Variants in TPP2 observed in about 807,000 individuals in gnomAD.
The protein encoded by TPP2 is tripeptidyl peptidase 2.
TPP2 carries 34 observed loss-of-function variants against 155.9 expected under a neutral mutation model. That is an observed-to-expected ratio of 0.22 (90% CI 0.17 to 0.29). TPP2 has a LOEUF of 0.29. Ranked by LOEUF, TPP2 falls within the 10% of genes least tolerant of loss-of-function variation. The pLI, the probability that TPP2 is intolerant of heterozygous loss-of-function variation, is 1.00. For missense variants in TPP2, 1,028 were observed against 1,522.3 expected (o/e 0.68, Z 5.40); for synonymous variants, 510 against 529.4 (o/e 0.96, Z 0.50).
chr13:102,630,009 A>G, intron 9 of TPP2, 87 bp from the exon 10 acceptor site: 1 of 1,096,232 alleles, frequency 9.1e-7, no homozygotes, highest in Non-Finnish European at 1.4e-6. Flanking sequence ...GTGTTGAGAG[A>G]TTAGGCAGTT....
intron 5 of TPP2, 140 bp downstream of exon 5, chr13:102,618,986 C>A: frequency 1.9e-6 from 2 of 1,079,028 alleles, no homozygotes; most frequent in Non-Finnish European, 2.5e-6. Context: ...GCCAAATTGG[C>A]ATCTGGGTAG....
rs185932998 is a variant in TPP2, at chr13:102,664,008, C to T, written c.3240+264C>T. On this transcript the variant is annotated intron_variant, in intron 26 of 29. Coordinates refer to ENST00000376052, the MANE Select transcript of TPP2 (RefSeq NM_001330588.2). ...TTAACGATTGTTTTCATGACCTTAA[C>T]CTAAAGGGCAAGGGGCAGAACGTAG... Among the ~76,000 whole-genome samples, 363 of 152,256 alleles carry T rather than the reference C, an allele frequency of 2.4e-3. 3 individuals are homozygous for T. The highest frequency in any genetic ancestry group is 8.1e-3 in the African/African-American group (336 of 41,552).
At chr13:102,647,649 A>T (rs895211909) in intron 21 of TPP2, among the ~76,000 whole-genome samples, 2 of 152,098 alleles carry the variant, frequency 1.3e-5, no homozygotes, top group African/African-American at 4.8e-5. Context: ...TACCTATCTG[A>T]AGGTAGAATC....
At chr13:102,658,837 G>T (rs1427294736) in intron 25 of TPP2, among the ~76,000 whole-genome samples, 2 of 152,158 alleles carry the variant, frequency 1.3e-5, no homozygotes, top group Non-Finnish European at 2.9e-5. Flanking sequence ...AGTTGCAGCG[G>T]CTCAGTTCCA....
At chr13:102,661,406 AC>A (rs1329563196) in intron 25 of TPP2, among the ~76,000 whole-genome samples, 3 of 151,120 alleles carry the variant, frequency 2.0e-5, no homozygotes, top group Non-Finnish European at 2.9e-5. Context: ...GCACGCCACC[AC>A]CCCCAGCTTA....
chr13:102,667,126 A>C (rs537059757), intron 27 of TPP2, among the ~76,000 whole-genome samples: 9 of 152,166 alleles, frequency 5.9e-5, no homozygotes, highest in Non-Finnish European at 1.2e-4. Flanking sequence ...CAGCCAACTT[A>C]AGCATTAATT....
rs191818447 is a variant in TPP2 at position 102,624,042 on chromosome 13, C to T, written c.784+1002C>T. Among the ~76,000 whole-genome samples the T allele has an allele frequency of 3.1e-3, 475 of 151,898 alleles. 4 individuals are homozygous for T. Among genetic ancestry groups the T allele is most frequent in the African/African-American group, 0.011 (441 of 41,374 alleles). On this transcript the variant is annotated intron_variant, in intron 6 of 29. Transcript: ENST00000376052. ...TGCGGAACCTGTGGATACAGAGGGC[C>T]GAATGTATTATATAGCAATCAAAAT...
chr13:102,605,435 AG>A (rs1442283154), intron 2 of TPP2, among the ~76,000 whole-genome samples: 1 of 152,200 alleles, frequency 6.6e-6, no homozygotes, highest in African/African-American at 2.4e-5. Context: ...CACACACTTA[AG>A]GGGAAGGGAT....
intron 27 of TPP2, among the ~76,000 whole-genome samples, chr13:102,666,058 C>G (rs1047931687): frequency 6.6e-6 from 1 of 152,114 alleles, no homozygotes; most frequent in Non-Finnish European, 1.5e-5. Flanking sequence ...ATACAGCCAC[C>G]ATTTATTAAG....
At position 102,604,869 on chromosome 13, in the gene TPP2, A is replaced by G. The variant is rs745481293; in HGVS notation, c.242A>G (p.Glu81Gly). The G allele has an allele frequency of 5.0e-6, 8 of 1,614,038 alleles. No homozygotes were observed. The South Asian group carries it at 6.6e-5, about 13-fold the overall frequency. Residue 81 changes from glutamate (E) to glycine (G), a missense_variant, in exon 2 of 30, where the codon GAA becomes GGA. Glu to Gly is a moderately conservative substitution (Grantham distance 98). Transcript: ENST00000376052. The part of the protein sequence containing the change: ...TGSGDVNTAT[E>G]VEPKDGEIVG... ...AGTGGCGATGTGAATACTGCTACAG[A>G]AGTAGAGCCAAAGGATGGTGAGATT...
At chr13:102,652,422 AT>A in intron 24 of TPP2, among the ~76,000 whole-genome samples, 1 of 13,932 alleles carries the variant, frequency 7.2e-5, no homozygotes, top group Non-Finnish European at 1.2e-4. Context: ...ATATATATAT[AT>A]ATATATATAT....
chr13:102,645,153 G>T, intron 19 of TPP2, 144 bp downstream of exon 19: 1 of 752,520 alleles, frequency 1.3e-6, no homozygotes, highest in Non-Finnish European at 2.1e-6. Flanking sequence ...ATCTCTGCAA[G>T]GCAGCCCCAG....
chr13:102,623,112 C>T, intron 6 of TPP2, 72 bp downstream of exon 6: 2 of 1,464,512 alleles, frequency 1.4e-6, no homozygotes, highest in South Asian at 2.7e-5. Context: ...CGATAGCTCA[C>T]AGCAACCTTC....
chr13:102,652,783 G>T (rs1435824934), intron 24 of TPP2, among the ~76,000 whole-genome samples: 1 of 152,052 alleles, frequency 6.6e-6, no homozygotes, highest in Non-Finnish European at 1.5e-5. Context: ...TGGGGGCCAC[G>T]TAATGGGATA....
Position 102,649,420 on chromosome 13 carries a change from G to A in TPP2, c.2886G>A (p.Gly962=). Residue 962 remains glycine (G), a synonymous_variant, in exon 23 of 30, where the codon GGG becomes GGA. Coordinates refer to ENST00000376052, the MANE Select transcript of TPP2 (RefSeq NM_001330588.2). The stretch of plus-strand genomic sequence containing the variant: ...TTCTCTTGTTTAGAATACCTAAAGG[G>A]GCAGGACCTGGATGCTATCTTGCAG... The part of the protein sequence containing the change: ...TSLPDDKIPK[G]AGPGCYLAGS... 2 of 1,612,488 alleles carry A rather than the reference G, an allele frequency of 1.2e-6. No homozygotes were observed. Among genetic ancestry groups the A allele is most frequent in the Admixed American group, 3.3e-5 (2 of 59,766 alleles).
chr13:102,616,721 A>G (rs570717740), intron 4 of TPP2, among the ~76,000 whole-genome samples: 2 of 152,348 alleles, frequency 1.3e-5, no homozygotes, highest in South Asian at 4.1e-4. Flanking sequence ...GGGTAAAAGT[A>G]CATAAATTGT....
At chr13:102,674,763 A>C (rs974574763) in intron 28 of TPP2, among the ~76,000 whole-genome samples, 2 of 152,230 alleles carry the variant, frequency 1.3e-5, no homozygotes, top group Non-Finnish European at 2.9e-5. Flanking sequence ...CCAGTTATGT[A>C]TGTAGCTAAA....
chr13:102,672,016 C>A lies in TPP2; in HGVS notation c.3372-2267C>A, dbSNP rs190266873. Among the ~76,000 whole-genome samples the A allele has an allele frequency of 2.5e-3, 374 of 152,304 alleles. 1 individual carries two copies. The highest frequency in any genetic ancestry group is 4.1e-3 in the Non-Finnish European group (277 of 68,026). ...ATCCCAAGCGGGCACCAGTGACTTACTGACTGCGCAGTCTCTTCACCTTCA... is the reference window on the plus strand; with the variant it reads ...ATCCCAAGCGGGCACCAGTGACTTAATGACTGCGCAGTCTCTTCACCTTCA... On this transcript the variant is annotated intron_variant, in intron 27 of 29. Coordinates refer to ENST00000376052, the MANE Select transcript of TPP2 (RefSeq NM_001330588.2).
At chr13:102,633,830 T>A in intron 10 of TPP2, 120 bp from the exon 11 acceptor site, 1 of 1,374,018 alleles carries the variant, frequency 7.3e-7, no homozygotes, top group Non-Finnish European at 9.9e-7. Flanking sequence ...TCACTATTTG[T>A]AATGAGTGCA....
Sources: gnomAD v4.1 joint callset for allele counts (sites outside exome capture counted in the v4.1 genomes callset) on GRCh38, gnomAD v4.1.1 for gene constraint, MANE v1.5 for transcripts, NCBI Gene and HGNC (gene_info 2026-07-23, HGNC 2026-07-21) for gene names.